Variants in CADM2 observed in about 807,000 individuals in gnomAD.
CADM2 encodes immunoglobulin superfamily member 4D.
In CADM2, 12 loss-of-function variants were observed where a neutral mutation model predicts 49.8. The ratio of observed to expected loss-of-function variants is 0.24; its 90% confidence interval spans 0.15 to 0.39. The LOEUF (loss-of-function observed/expected upper bound fraction) is 0.39, where lower values mean the gene tolerates loss of function less well. CADM2 is among the 10% of genes least tolerant of loss of function. The probability of loss-of-function intolerance (pLI) is 1.00; values close to 1 mark genes in which losing one functional copy is unlikely to be tolerated. For missense variants in CADM2, 378 were observed against 492.3 expected, an observed-to-expected ratio of 0.77 and a Z score of 2.20; for synonymous variants, 214 against 175.4, an observed-to-expected ratio of 1.22 and a Z score of -1.74.
At chr3:85,780,570 G>A (rs1035912018) in intron 2 of CADM2, among the ~76,000 whole-genome samples, 1 of 152,074 alleles carries the variant, frequency 6.6e-6, no homozygotes, top group Non-Finnish European at 1.5e-5. Flanking sequence ...ATCTTCATTT[G>A]ATCACTTCCC....
intron 1 of CADM2, among the ~76,000 whole-genome samples, chr3:85,386,248 T>C (rs1411834684): frequency 2.6e-5 from 4 of 152,150 alleles, no homozygotes; most frequent in Non-Finnish European, 5.9e-5. Flanking sequence ...CTTTGAGAGA[T>C]ATGCACTTAG....
intron 6 of CADM2, among the ~76,000 whole-genome samples, chr3:85,928,438 T>A (rs1332975375): frequency 6.6e-6 from 1 of 152,132 alleles, no homozygotes; most frequent in Non-Finnish European, 1.5e-5. Context: ...ATTACAGGCG[T>A]GAGCCACCAC....
In CADM2 at chr3:85,546,340, C is replaced by T. The variant is rs78256293; in HGVS notation, c.62-180182C>T. On this transcript the variant is annotated intron_variant, in intron 1 of 9. Coordinates refer to ENST00000383699, the MANE Select transcript of CADM2 (RefSeq NM_001167675.2). ...TTTTGAGTTGCTTCTTTGATAGCATCATCCAGATTTTATTAAATGGGAATC... is the reference window on the plus strand; with the variant it reads ...TTTTGAGTTGCTTCTTTGATAGCATTATCCAGATTTTATTAAATGGGAATC... Among the ~76,000 whole-genome samples, 1,438 of 152,208 alleles carry T rather than the reference C, an allele frequency of 9.4e-3. 22 individuals carry two copies. Among genetic ancestry groups the T allele is most frequent in the African/African-American group, 0.031 (1,280 of 41,548 alleles).
intron 1 of CADM2, chr3:85,511,954 T>C: frequency 1.3e-6 from 1 of 799,312 alleles, no homozygotes; most frequent in Non-Finnish European, 1.5e-6. Context: ...AATATATAAA[T>C]ATATATGTGG....
chr3:86,018,139 G>C (rs1241503013), intron 8 of CADM2, among the ~76,000 whole-genome samples: 1 of 125,806 alleles, frequency 7.9e-6, no homozygotes, highest in Non-Finnish European at 1.7e-5. Context: ...TTGGTTTTTT[G>C]TTCTTGCAAT....
At chr3:85,269,720 C>G (rs1268109960) in intron 1 of CADM2, among the ~76,000 whole-genome samples, 2 of 151,482 alleles carry the variant, frequency 1.3e-5, no homozygotes, top group East Asian at 3.9e-4. Flanking sequence ...AGACATATGG[C>G]ATTAACAATT....
chr3:86,027,357 T>C (rs747873852), intron 8 of CADM2, among the ~76,000 whole-genome samples: 1 of 152,200 alleles, frequency 6.6e-6, no homozygotes, highest in Non-Finnish European at 1.5e-5. Context: ...TGTAATGTTA[T>C]TTATAAACCA....
chr3:85,836,934 C>T lies in CADM2; in HGVS notation c.238+34738C>T, dbSNP rs189622337. Among the ~76,000 whole-genome samples, 48 of 151,624 alleles carry T rather than the reference C, an allele frequency of 3.2e-4. No individual in the cohort carries two copies. In the East Asian group the frequency reaches 6.8e-3, roughly 22 times the overall value. The stretch of plus-strand genomic sequence containing the variant: ...GTTATTTCAGGTGGCTTCTAATTCA[C>T]CATGTGAGAAAGAATATGAACTTGC... On this transcript the variant is annotated intron_variant, in intron 3 of 9. Coordinates refer to ENST00000383699, the MANE Select transcript of CADM2 (RefSeq NM_001167675.2).
At chr3:85,412,504 A>T (rs957345738) in intron 1 of CADM2, among the ~76,000 whole-genome samples, 2 of 150,954 alleles carry the variant, frequency 1.3e-5, no homozygotes, top group East Asian at 4.0e-4. Context: ...CCAAAACCAA[A>T]ACTAAGGTAT....
Position 85,294,441 on chromosome 3 carries a change from T to G in CADM2, c.61+334773T>G, listed in dbSNP as rs1374643796. Among the ~76,000 whole-genome samples, 5 of 151,946 alleles carry G rather than the reference T, an allele frequency of 3.3e-5. No homozygotes were observed. The East Asian group carries it at 9.7e-4, about 29-fold the overall frequency. ...CTTCACAGAATTGGAAAAAACTACT[T>G]TAAAGTTCATATGGAACCAAAAAAG... On this transcript the variant is annotated intron_variant, in intron 1 of 9. Transcript: ENST00000383699.
chr3:85,220,859 T>C (rs935406335), intron 1 of CADM2, among the ~76,000 whole-genome samples: 2 of 152,078 alleles, frequency 1.3e-5, no homozygotes, highest in African/African-American at 4.8e-5. Context: ...CTTTGGATAA[T>C]ACTCTAAACT....
chr3:85,396,342 G>A (rs770170779), intron 1 of CADM2, among the ~76,000 whole-genome samples: 1 of 151,804 alleles, frequency 6.6e-6, no homozygotes, highest in Non-Finnish European at 1.5e-5. Context: ...GGAAAGATGA[G>A]AAATAACTGG....
rs186543177 is a variant in CADM2, at chr3:86,033,090, G to C, written c.971-32515G>C. ...ACCTCATGCTGCCATCTAAACCTTT[G>C]GATAATTTATTTTCACTCTCAGTTG... On this transcript the variant is annotated intron_variant, in intron 8 of 9. Transcript: ENST00000383699. 3.1e-3 allele frequency among the ~76,000 whole-genome samples: 476 copies of C among 151,592 alleles called. 4 individuals carry two copies. The highest frequency in any genetic ancestry group is 0.011 in the African/African-American group (443 of 41,368).
intron 1 of CADM2, among the ~76,000 whole-genome samples, chr3:85,656,253 AAAT>A (rs1347589255): frequency 6.6e-6 from 1 of 152,168 alleles, no homozygotes; most frequent in African/African-American, 2.4e-5. Context: ...AAAGTTGAAT[AAAT>A]AAAATTCTCA....
intron 5 of CADM2, among the ~76,000 whole-genome samples, chr3:85,890,153 A>C (rs1047401997): frequency 6.6e-6 from 1 of 152,012 alleles, no homozygotes; most frequent in Non-Finnish European, 1.5e-5. Context: ...GAGGACTTCA[A>C]TATTGAAAGG....
At chr3:84,981,406 G>T (rs1293237558) in intron 1 of CADM2, among the ~76,000 whole-genome samples, 5 of 152,068 alleles carry the variant, frequency 3.3e-5, no homozygotes, top group Admixed American at 3.3e-4. Flanking sequence ...GAGGGGCACA[G>T]AAGACAGAAA....
At chr3:85,657,761 G>GATATATATAT (rs763157128) in intron 1 of CADM2, among the ~76,000 whole-genome samples, 3 of 111,578 alleles carry the variant, frequency 2.7e-5, no homozygotes, top group African/African-American at 8.9e-5. Flanking sequence ...TATATACACA[G>GATATATATAT]ATATATATAT....
intron 8 of CADM2, among the ~76,000 whole-genome samples, chr3:86,059,878 G>T (rs1054261837): frequency 6.6e-6 from 1 of 151,096 alleles, no homozygotes. Flanking sequence ...ACAGTTATGG[G>T]GATTTAAAAA....
chr3:86,015,392 T>C (rs988803521), intron 8 of CADM2, among the ~76,000 whole-genome samples: 2 of 152,212 alleles, frequency 1.3e-5, no homozygotes, highest in African/African-American at 4.8e-5. Flanking sequence ...GTTAGGTCAT[T>C]TTAGACATAG....
Sources: gnomAD v4.1 joint callset for allele counts (sites outside exome capture counted in the v4.1 genomes callset) on GRCh38, gnomAD v4.1.1 for gene constraint, MANE v1.5 for transcripts, NCBI Gene and HGNC (gene_info 2026-07-23, HGNC 2026-07-21) for gene names.